The following RARG variants were observed in gnomAD, a reference collection of about 807,000 sequenced individuals.
RARG encodes the protein retinoic acid receptor gamma, also known as RAR-gamma.
A neutral mutation model predicts 43.7 loss-of-function variants in RARG; 17 were observed. The ratio of observed to expected loss-of-function variants is 0.39; its 90% CI spans 0.27 to 0.58. The LOEUF is 0.58. RARG is among the 20% of genes least tolerant of loss of function. The probability of loss-of-function intolerance (pLI) is 0.57; values close to 1 mark genes in which losing one functional copy is unlikely to be tolerated. For synonymous variants in RARG, 238 were observed against 236.4 expected, an observed-to-expected ratio of 1.01 and a Z score of -0.06; for missense variants, 346 against 598.7, an observed-to-expected ratio of 0.58 and a Z score of 4.40.
At chr12:53,220,343 G>C (rs2120681788) in intron 3 of RARG, 1 of 1,240,812 alleles carries the variant, frequency 8.1e-7, no homozygotes, top group South Asian at 2.1e-5. Flanking sequence ...TCTTATCTGG[G>C]TGCTTCGGCA....
chr12:53,227,513 A>G lies in RARG; in HGVS notation c.33T>C (p.Ala11=). 1 of 1,600,496 alleles carries G rather than the reference A, an allele frequency of 6.2e-7. No individual in the cohort carries two copies. Among genetic ancestry groups the G allele is most frequent in the Non-Finnish European group, 8.5e-7 (1 of 1,174,060 alleles). ...AGCCAGATCCAGGCCCCAGGGCACC[A>G]GCCGCAAAGAGTCGCTCCTTATTGG... is the stretch of plus-strand genomic sequence containing the variant. MATNKERLFA[A]GALGPGSGYP... is the part of the protein sequence containing the mutation. The change falls in exon 3 of 10, where the codon GCT becomes GCC. Residue 11 remains alanine, a synonymous_variant. Transcript: ENST00000425354. This position sits in a 1 kb window ranked among gnomAD's most constrained non-coding sequence, Gnocchi z 4.3.
chr12:53,227,555 G>T lies in RARG; in HGVS notation c.-10C>A, dbSNP rs772558570. The T allele has an allele frequency of 2.6e-6, 4 of 1,557,284 alleles. No individual in the cohort carries two copies. In the Admixed American group the frequency reaches 7.5e-5, roughly 29 times the overall value. ...CCTTATTGGTGGCCATGGCAGCTGC[G>T]GTGTGAGAGTCCCCTGGGGTCTGCA... On this transcript the variant is annotated 5_prime_UTR_variant, in exon 3 of 10. Coordinates refer to ENST00000425354, the MANE Select transcript of RARG (RefSeq NM_000966.6). This position sits in a 1 kb window ranked among gnomAD's most constrained non-coding sequence, Gnocchi z 4.3.
At chr12:53,216,219 T>C (rs1942757054) in intron 3 of RARG, among the ~76,000 whole-genome samples, 1 of 152,160 alleles carries the variant, frequency 6.6e-6, no homozygotes, top group African/African-American at 2.4e-5. Context: ...CTTTGTCAGG[T>C]AGTCTACTTC....
At chr12:53,216,850 G>GC (rs1279234186) in intron 3 of RARG, among the ~76,000 whole-genome samples, 2 of 119,272 alleles carry the variant, frequency 1.7e-5, no homozygotes, top group Admixed American at 7.8e-5. Context: ...GTGCGCGCGC[G>GC]CGCGCGCGCG....
intron 3 of RARG, among the ~76,000 whole-genome samples, chr12:53,219,671 C>T (rs1362707689): frequency 6.6e-6 from 1 of 152,224 alleles, no homozygotes; most frequent in Admixed American, 6.5e-5. Flanking sequence ...AAGGCGCAAA[C>T]TACCCACACA....
intron 9 of RARG, 107 bp downstream of exon 9, chr12:53,212,978 T>TCGGGGGTC: frequency 8.2e-7 from 1 of 1,226,868 alleles, no homozygotes; most frequent in South Asian, 2.0e-5. Flanking sequence ...CAGTGTAGAT[T>TCGGGGGTC]GCCTGGTTCT....
rs1194594982 is a variant in RARG, at chr12:53,213,778, G to C, written c.814-78C>G. ...AGAGGGAATGAGTGGAAAGTGAGGAGGTTAGGTCCCCAGTGAGTGCAACCT... is the reference window on the plus strand; with the variant it reads ...AGAGGGAATGAGTGGAAAGTGAGGACGTTAGGTCCCCAGTGAGTGCAACCT... On this transcript the variant is annotated intron_variant, in intron 7 of 9. Coordinates refer to ENST00000425354, the MANE Select transcript of RARG (RefSeq NM_000966.6). This position sits in a 1 kb window ranked among gnomAD's most constrained non-coding sequence, Gnocchi z 4.7. 7.0e-7 allele frequency: 1 copy of C among 1,427,416 alleles called. No homozygotes were observed. The highest frequency in any genetic ancestry group is 9.7e-7 in the Non-Finnish European group (1 of 1,030,092). The allele number at this position is 1,427,416 out of a possible 1,614,324, so 88.4% of individuals were successfully genotyped here.
At position 53,232,027 on chromosome 12, in the gene RARG, C is replaced by CA. The variant is rs1212567324; in HGVS notation, c.-264dup. On this transcript the variant is annotated 5_prime_UTR_variant, in exon 1 of 10. Coordinates refer to ENST00000425354, the MANE Select transcript of RARG (RefSeq NM_000966.6). ...GGAGCCCCGAGGTCCCGGCGTCGGG[C>CA]AGTCTCTTGGATGGAGCGTCGCAAT... 5.0e-6 allele frequency: 2 copies of CA among 398,122 alleles called. No individual in the cohort carries two copies. The highest frequency in any genetic ancestry group is 8.9e-6 in the Non-Finnish European group (2 of 225,828). The allele number at this position is 398,122 out of a possible 1,614,324, so 24.7% of individuals were successfully genotyped here.
chr12:53,215,827 GAGA>G lies in RARG; in HGVS notation c.185-36_185-34del. ...GGAAGCAGTGATGTGAGGGTCAGGG[GAGA>G]AGGACCCCACAGACCTCCAGGCTTC... On this transcript the variant is annotated intron_variant, in intron 3 of 9. Coordinates refer to ENST00000425354, the MANE Select transcript of RARG (RefSeq NM_000966.6). This position sits in a 1 kb window ranked among gnomAD's most constrained non-coding sequence, Gnocchi z 6.4. 1 of 1,564,578 alleles carries G rather than the reference GAGA, an allele frequency of 6.4e-7. No individual in the cohort carries two copies. Among genetic ancestry groups the G allele is most frequent in the East Asian group, 2.3e-5 (1 of 44,374 alleles).
At position 53,211,488 on chromosome 12, in the gene RARG, G is replaced by A; in HGVS notation, c.*188C>T. 1 of 502,496 alleles carries A rather than the reference G, an allele frequency of 2.0e-6. No individual in the cohort carries two copies. Among genetic ancestry groups the A allele is most frequent in the Non-Finnish European group, 3.3e-6 (1 of 302,218 alleles). 31.1% of individuals were successfully genotyped at this position (502,496 alleles called of 1,614,324 possible). A position where few individuals can be genotyped will look rare whatever the true frequency, so the allele number is the denominator to read the frequency against. ...GGGCAGGCCCCCGGGACTGGCGAGGGAGCCGGTTAGATCAGGAAGGGGATG... is the reference window on the plus strand; with the variant it reads ...GGGCAGGCCCCCGGGACTGGCGAGGAAGCCGGTTAGATCAGGAAGGGGATG... On this transcript the variant is annotated 3_prime_UTR_variant, in exon 10 of 10. Coordinates refer to ENST00000425354, the MANE Select transcript of RARG (RefSeq NM_000966.6). The surrounding 1 kb of genome is among the most constrained non-coding windows in gnomAD (Gnocchi z 4.6).
At chr12:53,220,354 G>A in intron 3 of RARG, 1 of 1,099,260 alleles carries the variant, frequency 9.1e-7, no homozygotes, top group African/African-American at 1.8e-5. Flanking sequence ...TGCTTCGGCA[G>A]CTAGCACTGG....
At chr12:53,212,737 T>TACACACACAC (rs1160084920) in intron 9 of RARG, among the ~76,000 whole-genome samples, 1 of 133,702 alleles carries the variant, frequency 7.5e-6, no homozygotes, top group African/African-American at 2.9e-5. Flanking sequence ...AATATATATA[T>TACACACACAC]ACACACACAC....
chr12:53,227,457 G>A lies in RARG; in HGVS notation c.89C>T (p.Pro30Leu). ...AGGCGGAGACCCCCTGAGTGCCCCT[G>A]GGAAGGCGAAGGGGAAACCTGCCCC... is the stretch of plus-strand genomic sequence containing the variant. ...YPGAGFPFAF[P>L]GALRGSPPFE... The change falls in exon 3 of 10, where the codon CCA (proline) becomes CTA (leucine). Residue 30 changes from proline (P) to leucine (L), a missense_variant. Coordinates refer to ENST00000425354, the MANE Select transcript of RARG (RefSeq NM_000966.6). This position sits in a 1 kb window ranked among gnomAD's most constrained non-coding sequence, Gnocchi z 4.3. 1 of 1,610,600 alleles carries A rather than the reference G, an allele frequency of 6.2e-7. No homozygotes were observed. The highest frequency in any genetic ancestry group is 1.1e-5 in the South Asian group (1 of 90,364).
At chr12:53,230,842 T>C (rs985296010) in intron 2 of RARG, among the ~76,000 whole-genome samples, 17 of 109,860 alleles carry the variant, frequency 1.5e-4, no homozygotes, top group East Asian at 2.9e-4. Context: ...AGTGCGTGTG[T>C]GTGTGTGTGT....
At chr12:53,226,594 G>A (rs956577300) in intron 3 of RARG, among the ~76,000 whole-genome samples, 52 of 151,654 alleles carry the variant, frequency 3.4e-4, no homozygotes, top group Non-Finnish European at 8.8e-5. Context: ...CAAAGTGCTG[G>A]GATTACAGGC....
intron 3 of RARG, among the ~76,000 whole-genome samples, chr12:53,223,311 AG>A (rs1943023048): frequency 7.2e-6 from 1 of 138,948 alleles, no homozygotes; most frequent in African/African-American, 2.8e-5. Context: ...GTAAGTCCTG[AG>A]GTAGGAGTCC....
At chr12:53,214,777 G>T in intron 5 of RARG, 171 bp from the exon 6 acceptor site, 1 of 754,138 alleles carries the variant, frequency 1.3e-6, no homozygotes, top group Non-Finnish European at 2.0e-6. Flanking sequence ...TTCCCAGGCT[G>T]GTTCTCCCCA....
intron 3 of RARG, among the ~76,000 whole-genome samples, chr12:53,222,233 G>GAGAAAAAAAGAAAA (rs1555181725): frequency 6.7e-6 from 1 of 149,684 alleles, no homozygotes; most frequent in African/African-American, 2.5e-5. Context: ...AAGAAAGAGA[G>GAGAAAAAAAGAAAA]AGAAAGAAAA....
chr12:53,215,349 T>C lies in RARG; in HGVS notation c.419A>G (p.Asn140Ser). Residue 140 changes from asparagine to serine, a missense_variant, in exon 5 of 10, where the codon AAT becomes AGT. Physicochemically the swap from Asn to Ser is conservative, Grantham distance 46. Around this residue, in one of 8 missense-constraint regions of RARG, gnomAD observed 50 missense variants for 117.7 expected, o/e 0.42. Transcript: ENST00000425354. The surrounding 1 kb of genome is among the most constrained non-coding windows in gnomAD (Gnocchi z 6.4). ...KNCIINKVTR[N>S]RCQYCRLQKC... ...CTGTAGCCGGCAGTACTGGCAGCGA[T>C]TCCTGGTCACCTTGTTGATGATACA... is the stretch of plus-strand genomic sequence containing the variant. 6.2e-7 allele frequency: 1 copy of C among 1,614,142 alleles called. No homozygotes were observed.
Sources: allele counts gnomAD v4.1 joint callset (sites outside exome capture counted in the v4.1 genomes callset), GRCh38; gene constraint gnomAD v4.1.1; regional missense constraint gnomAD v4.1.1; non-coding constraint Gnocchi (gnomAD v3.1); transcripts MANE v1.5; gene names NCBI Gene and HGNC (gene_info 2026-07-23, HGNC 2026-07-21).